Variants in GREB1 observed in about 807,000 individuals in gnomAD.
GREB1 encodes the protein growth regulating estrogen receptor binding 1.
A neutral mutation model predicts 200.7 loss-of-function variants in GREB1; 106 were observed. The observed-to-expected ratio is 0.53, with a 90% confidence interval of 0.45 to 0.62. GREB1 has a LOEUF of 0.62. Ranked by LOEUF, GREB1 falls within the 20% of genes least tolerant of loss-of-function variation. The pLI, the probability that GREB1 is intolerant of heterozygous loss-of-function variation, is 0.00. For synonymous variants in GREB1, 1,132 were observed against 1,092.4 expected (o/e 1.04, Z -0.72); for missense variants, 2,243 against 2,556.8 (o/e 0.88, Z 2.65).
chr2:11,536,679 G>C (rs1435384387), intron 1 of GREB1, among the ~76,000 whole-genome samples: 2 of 152,200 alleles, frequency 1.3e-5, no homozygotes, highest in African/African-American at 2.4e-5. Flanking sequence ...AAACTGAGAA[G>C]AGAGCCGCAC....
chr2:11,601,202 G>A (rs1411161394), intron 16 of GREB1, among the ~76,000 whole-genome samples: 1 of 152,174 alleles, frequency 6.6e-6, no homozygotes, highest in African/African-American at 2.4e-5. Context: ...TCCTCATCTC[G>A]GAAGATGTAA....
intron 1 of GREB1, among the ~76,000 whole-genome samples, chr2:11,507,422 T>C (rs1338318924): frequency 7.5e-6 from 1 of 134,212 alleles, no homozygotes; most frequent in Non-Finnish European, 1.6e-5. Context: ...AAAAAAACCA[T>C]AAACCGAAAA....
chr2:11,594,484 A>G (rs1681027318), intron 11 of GREB1, among the ~76,000 whole-genome samples: 3 of 149,552 alleles, frequency 2.0e-5, no homozygotes, highest in Middle Eastern at 3.6e-3. Flanking sequence ...ACTCCTGAGT[A>G]GCTGGGACTA....
In GREB1 at chr2:11,640,563, G is replaced by A; in HGVS notation, c.*109G>A. The A allele has an allele frequency of 7.8e-7, 1 of 1,283,998 alleles. No individual in the cohort carries two copies. Among genetic ancestry groups the A allele is most frequent in the African/African-American group, 1.5e-5 (1 of 67,788 alleles). The allele number at this position is 1,283,998 out of a possible 1,614,324, so 79.5% of individuals were successfully genotyped here. A position where few individuals can be genotyped will look rare whatever the true frequency, so the allele number is the denominator to read the frequency against. On this transcript the variant is annotated 3_prime_UTR_variant, in exon 33 of 33. Coordinates refer to ENST00000381486, the MANE Select transcript of GREB1 (RefSeq NM_014668.4). This position sits in a 1 kb window ranked among gnomAD's most constrained non-coding sequence, Gnocchi z 4.6. ...GGCGTTTGACTGGAATGGACCCCAG[G>A]GACTGTCCAGGTGCAGCCCCTCCTA... is the stretch of plus-strand genomic sequence containing the variant.
At chr2:11,504,111 C>T (rs1673116963) in intron 1 of GREB1, among the ~76,000 whole-genome samples, 1 of 152,152 alleles carries the variant, frequency 6.6e-6, no homozygotes, top group African/African-American at 2.4e-5. Context: ...ACTGTACTCA[C>T]CCTTCTTCTT....
At chr2:11,576,157 A>G (rs1218649250) in intron 4 of GREB1, among the ~76,000 whole-genome samples, 196 bp from the exon 5 acceptor site, 2 of 151,930 alleles carry the variant, frequency 1.3e-5, no homozygotes, top group Admixed American at 6.6e-5. Context: ...ATACAAAACA[A>G]TCAGCTAGGC....
intron 1 of GREB1, among the ~76,000 whole-genome samples, chr2:11,509,385 A>G (rs562856324): frequency 6.6e-6 from 1 of 152,158 alleles, no homozygotes; most frequent in African/African-American, 2.4e-5. Flanking sequence ...CTCTGCACAC[A>G]TTTTTTCTTT....
chr2:11,502,413 G>T (rs1233859633), intron 1 of GREB1, among the ~76,000 whole-genome samples: 11 of 148,936 alleles, frequency 7.4e-5, no homozygotes, highest in African/African-American at 2.2e-4. Flanking sequence ...GTAGAAATAG[G>T]GTCTCGCCAT....
chr2:11,491,998 C>T (rs1036883683), intron 1 of GREB1, among the ~76,000 whole-genome samples: 4 of 152,200 alleles, frequency 2.6e-5, no homozygotes, highest in Non-Finnish European at 5.9e-5. Context: ...CTAGTGTCTG[C>T]ACCCTGACTC....
intron 23 of GREB1, among the ~76,000 whole-genome samples, chr2:11,622,946 T>C (rs1684128273): frequency 6.6e-6 from 1 of 152,226 alleles, no homozygotes; most frequent in South Asian, 2.1e-4. Context: ...CTTGCCTCAT[T>C]AGAACATTCC....
At chr2:11,483,769 G>A (rs2148388911) in intron 1 of GREB1, among the ~76,000 whole-genome samples, 1 of 150,954 alleles carries the variant, frequency 6.6e-6, no homozygotes, top group African/African-American at 2.4e-5. Context: ...CTGGAGACTG[G>A]GAGAGCCGCC....
chr2:11,602,204 C>G (rs1212666766), intron 16 of GREB1, among the ~76,000 whole-genome samples: 1 of 152,192 alleles, frequency 6.6e-6, no homozygotes, highest in Non-Finnish European at 1.5e-5. Flanking sequence ...GCAATGGGGA[C>G]ACACCATTTT....
At chr2:11,555,599 T>C (rs981378830) in intron 1 of GREB1, among the ~76,000 whole-genome samples, 15 of 152,176 alleles carry the variant, frequency 9.9e-5, no homozygotes, top group African/African-American at 3.4e-4. Flanking sequence ...CTTGGAGACA[T>C]TGTGCTAACG....
At chr2:11,637,456 C>T (rs1685474387) in intron 30 of GREB1, among the ~76,000 whole-genome samples, 2 of 152,160 alleles carry the variant, frequency 1.3e-5, no homozygotes, top group African/African-American at 4.8e-5. Flanking sequence ...GACCAGAAAG[C>T]TGGTTTCCTG....
In GREB1 at chr2:11,597,123, G is replaced by C. The variant is rs1005484177; in HGVS notation, c.1955-658G>C. Among the ~76,000 whole-genome samples, 1 of 152,048 alleles carries C rather than the reference G, an allele frequency of 6.6e-6. No individual in the cohort carries two copies. Among genetic ancestry groups the C allele is most frequent in the Middle Eastern group, 3.2e-3 (1 of 316 alleles). On this transcript the variant is annotated intron_variant, in intron 13 of 32. Transcript: ENST00000381486. The surrounding 1 kb of genome is among the most constrained non-coding windows in gnomAD (Gnocchi z 4.1). The stretch of plus-strand genomic sequence containing the variant: ...GAGGGCTCATGTGTGCTCGGTGGGC[G>C]ATGAGAGGGCACTGGCGAGGGCCTC...
At chr2:11,499,071 A>G (rs1672961348) in intron 1 of GREB1, among the ~76,000 whole-genome samples, 1 of 152,368 alleles carries the variant, frequency 6.6e-6, no homozygotes, top group South Asian at 2.1e-4. Context: ...TGTATCTGCA[A>G]TCCCCATAAA....
Position 11,634,364 on chromosome 2 carries a change from C to G in GREB1, c.5210+15C>G. 6.2e-7 allele frequency: 1 copy of G among 1,603,414 alleles called. No individual in the cohort carries two copies. On this transcript the variant is annotated intron_variant, in intron 29 of 32. Transcript: ENST00000381486. Reference sequence around the variant, plus strand: ...AACCAGAACCGGTGAGCTCCTGCACCTGGGGCAGAGGCGGCGGCAGCCCTG... The same window carrying G: ...AACCAGAACCGGTGAGCTCCTGCACGTGGGGCAGAGGCGGCGGCAGCCCTG...
At chr2:11,601,324 G>A (rs564929632) in intron 16 of GREB1, among the ~76,000 whole-genome samples, 127 of 152,298 alleles carry the variant, frequency 8.3e-4, no homozygotes, top group African/African-American at 2.9e-3. Context: ...TAGGCGCTGG[G>A]GGCTTTGGGC....
intron 21 of GREB1, among the ~76,000 whole-genome samples, chr2:11,617,121 A>T (rs1270105139): frequency 6.6e-6 from 1 of 152,186 alleles, no homozygotes; most frequent in Non-Finnish European, 1.5e-5. Context: ...AGACATGGAG[A>T]CTTCACTGGG....
Sources: gnomAD v4.1 joint callset for allele counts (sites outside exome capture counted in the v4.1 genomes callset) on GRCh38, gnomAD v4.1.1 for gene constraint, Gnocchi (gnomAD v3.1) non-coding constraint, MANE v1.5 for transcripts, NCBI Gene and HGNC (gene_info 2026-07-23, HGNC 2026-07-21) for gene names.